The following VPS53 variants were observed in gnomAD, a reference collection of about 807,000 sequenced individuals.
VPS53 encodes VPS53 subunit of GARP complex.
Under a neutral mutation model 107.0 loss-of-function variants are expected in VPS53, and 70 were observed. The ratio of observed to expected loss-of-function variants is 0.65; its 90% confidence interval spans 0.54 to 0.80. The LOEUF is 0.80. VPS53 is among the 30% of genes least tolerant of loss of function. The probability of loss-of-function intolerance (pLI) is 0.00; values close to 1 mark genes in which losing one functional copy is unlikely to be tolerated. For missense variants in VPS53, 917 were observed against 1,049.4 expected (o/e 0.87, Z 1.74); for synonymous variants, 409 against 393.3 (o/e 1.04, Z -0.47).
At chr17:549,914 C>A (rs771454397) in intron 17 of VPS53, among the ~76,000 whole-genome samples, 1 of 152,220 alleles carries the variant, frequency 6.6e-6, no homozygotes, top group Non-Finnish European at 1.5e-5. Flanking sequence ...CACTTCAGTT[C>A]ATAAAACCCT....
chr17:531,057 C>T (rs931025045), intron 19 of VPS53, among the ~76,000 whole-genome samples: 1 of 152,214 alleles, frequency 6.6e-6, no homozygotes, highest in Non-Finnish European at 1.5e-5. Flanking sequence ...CTGGAGGCAG[C>T]GTCTGTTTCA....
At chr17:696,691 T>C (rs1404046348) in intron 4 of VPS53, among the ~76,000 whole-genome samples, 2 of 151,924 alleles carry the variant, frequency 1.3e-5, no homozygotes, top group African/African-American at 4.8e-5. Context: ...TACACACTTT[T>C]CCCTTCATTG....
chr17:538,943 C>T (rs1213297397), intron 17 of VPS53: 2 of 152,120 alleles, frequency 1.3e-5, no homozygotes, highest in Admixed American at 1.3e-4. Context: ...TTGACCCATC[C>T]AAACAATGAG....
At chr17:631,926 G>A (rs887361729) in intron 7 of VPS53, among the ~76,000 whole-genome samples, 11 of 152,056 alleles carry the variant, frequency 7.2e-5, no homozygotes, top group Non-Finnish European at 1.5e-4. Context: ...TCATGCTGTG[G>A]GAAAATGTTA....
chr17:670,260 T>A (rs1292384770), intron 4 of VPS53, among the ~76,000 whole-genome samples: 2 of 151,984 alleles, frequency 1.3e-5, no homozygotes, highest in East Asian at 3.9e-4. Flanking sequence ...ACAGCCTGTA[T>A]CTGACGGTGT....
intron 11 of VPS53, among the ~76,000 whole-genome samples, chr17:602,407 A>G (rs1968370138): frequency 6.6e-6 from 1 of 152,236 alleles, no homozygotes; most frequent in Non-Finnish European, 1.5e-5. Flanking sequence ...GATGGATTTC[A>G]ACGCAAGAAC....
intron 7 of VPS53, among the ~76,000 whole-genome samples, chr17:648,494 T>C (rs576950187): frequency 7.4e-4 from 113 of 152,314 alleles, no homozygotes; most frequent in Non-Finnish European, 8.8e-5. Flanking sequence ...GCGATTGCAG[T>C]GAGCTGAGAT....
In VPS53 at chr17:562,535, G is replaced by A. The variant is rs2075443; in HGVS notation, c.1524C>T (p.Tyr508=). ...GGTTGCCAGAGAGGATTTTCCAGGC[G>A]TATTCTCGGAGGTACTTCTGGAAAA... is the stretch of plus-strand genomic sequence containing the variant. ...TTIFQKYLRE[Y]AWKILSGNLP... The change falls in exon 14 of 22, where the codon TAC becomes TAT. Residue 508 remains tyrosine (Y), a synonymous_variant. Transcript: ENST00000437048. The A allele has an allele frequency of 0.25, 405,977 of 1,613,580 alleles. 56,661 individuals are homozygous for A. Among genetic ancestry groups the A allele is most frequent in the African/African-American group, 0.55 (41,387 of 74,844 alleles).
chr17:530,751 C>T (rs1345875496), intron 19 of VPS53, among the ~76,000 whole-genome samples: 1 of 152,112 alleles, frequency 6.6e-6, no homozygotes, highest in Admixed American at 6.6e-5. Flanking sequence ...ACAGGATGAT[C>T]TGAAGATCAT....
chr17:652,050 A>G (rs1970973600), intron 7 of VPS53, among the ~76,000 whole-genome samples: 1 of 151,302 alleles, frequency 6.6e-6, no homozygotes, highest in East Asian at 1.9e-4. Context: ...AGGCTAGAGT[A>G]CAATGGCAGG....
intron 19 of VPS53, among the ~76,000 whole-genome samples, chr17:527,188 G>A (rs190961587): frequency 5.9e-4 from 90 of 152,268 alleles, no homozygotes; most frequent in Non-Finnish European, 8.2e-4. Context: ...TCATGCTCTC[G>A]TCCAGTCAAT....
rs1390135754 is a variant in VPS53 at position 654,761 on chromosome 17, A to G, written c.488+1077T>C. 1.8e-4 allele frequency among the ~76,000 whole-genome samples: 27 copies of G among 151,768 alleles called. No individual in the cohort carries two copies. In the East Asian group the frequency reaches 4.6e-3, roughly 26 times the overall value. Reference sequence around the variant, plus strand: ...CAAAAAAAAAAAAAAAAAAGAAAAAAGAAAAAGACAGGATCAAGTTCAAGC... The same window carrying G: ...CAAAAAAAAAAAAAAAAAAGAAAAAGGAAAAAGACAGGATCAAGTTCAAGC... On this transcript the variant is annotated intron_variant, in intron 6 of 21. Coordinates refer to ENST00000437048, the MANE Select transcript of VPS53 (RefSeq NM_001128159.3).
At chr17:647,029 A>G (rs1410089354) in intron 7 of VPS53, among the ~76,000 whole-genome samples, 5 of 152,252 alleles carry the variant, frequency 3.3e-5, no homozygotes, top group Admixed American at 6.5e-5. Context: ...AAAATAAAAA[A>G]TAAATTATTT....
chr17:701,681 G>A (rs924016489), intron 2 of VPS53, among the ~76,000 whole-genome samples: 1 of 151,554 alleles, frequency 6.6e-6, no homozygotes, highest in Non-Finnish European at 1.5e-5. Context: ...TGGCCAAGAG[G>A]AAAACATTTC....
At chr17:605,572 T>C (rs1399650173) in intron 11 of VPS53, among the ~76,000 whole-genome samples, 1 of 113,926 alleles carries the variant, frequency 8.8e-6, no homozygotes, top group Non-Finnish European at 1.8e-5. Flanking sequence ...AGTCCCATCA[T>C]ATTGGTGAGT....
At chr17:611,294 G>A (rs1363287322) in intron 11 of VPS53, among the ~76,000 whole-genome samples, 2 of 152,192 alleles carry the variant, frequency 1.3e-5, no homozygotes, top group African/African-American at 4.8e-5. Flanking sequence ...GATTACAGGC[G>A]TGAGCCACCA....
intron 15 of VPS53, among the ~76,000 whole-genome samples, chr17:554,510 TCTCCTGCCTCAGC>T (rs1416063977): frequency 6.6e-6 from 1 of 152,176 alleles, no homozygotes; most frequent in African/African-American, 2.4e-5. Context: ...TTTAAGTGAT[TCTCCTGCCTCAGC>T]CTCCCGAGTA....
chr17:552,256 A>G (rs946762776), intron 16 of VPS53, among the ~76,000 whole-genome samples: 1 of 152,232 alleles, frequency 6.6e-6, no homozygotes, highest in Non-Finnish European at 1.5e-5. Context: ...ACTGAAGAAA[A>G]TAAAAAGCTA....
chr17:645,214 T>C (rs957591045), intron 7 of VPS53, among the ~76,000 whole-genome samples: 2 of 152,216 alleles, frequency 1.3e-5, no homozygotes, highest in Non-Finnish European at 1.5e-5. Context: ...AAAAGCCTGT[T>C]GGAGAAATGC....
Sources: gnomAD v4.1 joint callset for allele counts (sites outside exome capture counted in the v4.1 genomes callset) on GRCh38, gnomAD v4.1.1 for gene constraint, MANE v1.5 for transcripts, NCBI Gene and HGNC (gene_info 2026-07-23, HGNC 2026-07-21) for gene names.